CACNA1A: variants seen among roughly 807,000 people sequenced by gnomAD.
CACNA1A encodes the protein calcium voltage-gated channel subunit alpha1 A.
Under a neutral mutation model 262.4 loss-of-function variants are expected in CACNA1A, and 57 were observed. The ratio of observed to expected loss-of-function variants is 0.22; its 90% CI spans 0.18 to 0.27. CACNA1A has a LOEUF of 0.27. Ranked by LOEUF, CACNA1A falls within the 10% of genes least tolerant of loss-of-function variation. CACNA1A has a pLI of 1.00. For synonymous variants in CACNA1A, 1,431 were observed against 1,419.3 expected (o/e 1.01, Z -0.18); for missense variants, 2,526 against 3,562.8 (o/e 0.71, Z 7.41).
At chr19:13,437,879 C>G (rs914180388) in intron 3 of CACNA1A, among the ~76,000 whole-genome samples, 5 of 151,904 alleles carry the variant, frequency 3.3e-5, no homozygotes, top group African/African-American at 1.2e-4. Flanking sequence ...AAACAAAATC[C>G]AAAGCCCCAG....
At chr19:13,362,643 C>T (rs919487919) in intron 5 of CACNA1A, 1 of 152,250 alleles carries the variant, frequency 6.6e-6, no homozygotes, top group African/African-American at 2.4e-5. Flanking sequence ...GCACCTGGCC[C>T]CTTTCAGGCA....
At chr19:13,437,502 C>A (rs925524547) in intron 3 of CACNA1A, among the ~76,000 whole-genome samples, 12 of 151,908 alleles carry the variant, frequency 7.9e-5, no homozygotes, top group African/African-American at 2.2e-4. Flanking sequence ...ACCAGCCTGG[C>A]CAACATGGCG....
intron 1 of CACNA1A, among the ~76,000 whole-genome samples, chr19:13,460,253 C>T (rs1292334268): frequency 1.3e-5 from 2 of 152,094 alleles, no homozygotes; most frequent in East Asian, 1.9e-4. Context: ...TTGTGTGCAC[C>T]GGGAAGTTTA....
chr19:13,222,321 C>T (rs780880064), intron 38 of CACNA1A, among the ~76,000 whole-genome samples: 22 of 151,668 alleles, frequency 1.5e-4, no homozygotes, highest in African/African-American at 4.1e-4. Context: ...AGATTACAGG[C>T]GTGAACCACT....
intron 18 of CACNA1A, among the ~76,000 whole-genome samples, chr19:13,300,042 T>G (rs1229964841): frequency 6.6e-6 from 1 of 152,160 alleles, no homozygotes; most frequent in Non-Finnish European, 1.5e-5. Context: ...CGGTAATGCT[T>G]GCTTGCTCAC....
chr19:13,338,546 G>C (rs780889653), intron 6 of CACNA1A, among the ~76,000 whole-genome samples: 2 of 117,610 alleles, frequency 1.7e-5, no homozygotes, highest in Admixed American at 1.0e-4. Flanking sequence ...CAATAGGAGA[G>C]AGAGGATACA....
rs1280003070 is a variant in CACNA1A at position 13,209,280 on chromosome 19, T to C, written c.6526+32A>G. The C allele has an allele frequency of 5.6e-6, 8 of 1,436,186 alleles. No homozygotes were observed. In the Middle Eastern group the frequency reaches 7.8e-4, roughly 141 times the overall value. The allele number at this position is 1,436,186 out of a possible 1,614,324, so 89.0% of individuals were successfully genotyped here. A position where few individuals can be genotyped will look rare whatever the true frequency, so the allele number is the denominator to read the frequency against. ...TCCTCCCCTCTCCTCTCCTCTGTTC[T>C]GCTTGTCCCTGAGCACCACAGGGCT... On this transcript the variant is annotated intron_variant, in intron 45 of 46. Transcript: ENST00000360228.
At chr19:13,316,778 T>C (rs2058135717) in intron 11 of CACNA1A, 1 of 216,348 alleles carries the variant, frequency 4.6e-6, no homozygotes, top group Non-Finnish European at 9.1e-6. Context: ...TGTTTCTGTT[T>C]CTATCTGTCT....
rs113171441 is a variant in CACNA1A at position 13,405,819 on chromosome 19, T to C, written c.540-34040A>G. Among the ~76,000 whole-genome samples, 288 of 152,256 alleles carry C rather than the reference T, an allele frequency of 1.9e-3. 2 individuals are homozygous for C. The highest frequency in any genetic ancestry group is 6.8e-3 in the African/African-American group (282 of 41,562). ...GTTCTGTATATTTCACAGTATTTGC[T>C]GGGGTTGGCTACTGTTGACGCCATT... On this transcript the variant is annotated intron_variant, in intron 3 of 46. Coordinates refer to ENST00000360228, the MANE Select transcript of CACNA1A (RefSeq NM_001127222.2).
In CACNA1A at chr19:13,241,371, A is replaced by G; in HGVS notation, c.4950+3811T>C. ...GGGAGGCACAGGGGCTGGGGGCGGG[A>G]GGACAGACAGACAGAGGAGAGCGGA... On this transcript the variant is annotated intron_variant, in intron 31 of 46. Coordinates refer to ENST00000360228, the MANE Select transcript of CACNA1A (RefSeq NM_001127222.2). This position sits in a 1 kb window ranked among gnomAD's most constrained non-coding sequence, Gnocchi z 4.0. 1.4e-6 allele frequency: 1 copy of G among 696,252 alleles called. No homozygotes were observed. The highest frequency in any genetic ancestry group is 2.6e-6 in the Non-Finnish European group (1 of 381,524). 43.1% of individuals were successfully genotyped at this position (696,252 alleles called of 1,614,324 possible).
At chr19:13,255,341 C>T (rs892791611) in intron 28 of CACNA1A, 82 bp from the exon 29 acceptor site, 32 of 1,342,640 alleles carry the variant, frequency 2.4e-5, no homozygotes, top group Middle Eastern at 2.7e-4. Flanking sequence ...TCTAACTCGT[C>T]GCGGTTCTCA....
At chr19:13,414,321 C>G (rs1330978425) in intron 3 of CACNA1A, among the ~76,000 whole-genome samples, 1 of 152,120 alleles carries the variant, frequency 6.6e-6, no homozygotes, top group East Asian at 1.9e-4. Flanking sequence ...TTGCTTGAGC[C>G]CAAGAAGTCG....
At position 13,227,381 on chromosome 19, in the gene CACNA1A, GAA is replaced by G; in HGVS notation, c.5625+48_5625+49del. 3 of 573,678 alleles carry G rather than the reference GAA, an allele frequency of 5.2e-6. No homozygotes were observed. In the Admixed American group the frequency reaches 1.1e-4, roughly 20 times the overall value. 35.5% of individuals were successfully genotyped at this position (573,678 alleles called of 1,614,324 possible). ...CACTAAAAAAAAAGAAGAAGAAGAA[GAA>G]AAAAAAACCCAGTGCCTGGACGTCG... On this transcript the variant is annotated intron_variant, in intron 37 of 46. Transcript: ENST00000360228.
At chr19:13,351,636 C>A (rs943548459) in intron 6 of CACNA1A, among the ~76,000 whole-genome samples, 4 of 152,144 alleles carry the variant, frequency 2.6e-5, no homozygotes, top group African/African-American at 9.7e-5. Flanking sequence ...CAGCCTCCTG[C>A]GTAGCTGGGA....
intron 3 of CACNA1A, among the ~76,000 whole-genome samples, chr19:13,436,458 G>C (rs1472672759): frequency 6.6e-6 from 1 of 152,132 alleles, no homozygotes; most frequent in Non-Finnish European, 1.5e-5. Context: ...GTCTGGGCAA[G>C]CCTAACAAAA....
At chr19:13,261,250 TC>T (rs2144766092) in intron 26 of CACNA1A, 199 bp downstream of exon 26, 1 of 534,224 alleles carries the variant, frequency 1.9e-6, no homozygotes, top group South Asian at 2.9e-5. Context: ...TGCTTATGAC[TC>T]ATTCTGTGGC....
chr19:13,347,683 C>G (rs145493086), intron 6 of CACNA1A, among the ~76,000 whole-genome samples: 1 of 152,216 alleles, frequency 6.6e-6, no homozygotes, highest in African/African-American at 2.4e-5. Flanking sequence ...TTTATCCCAA[C>G]TGATCACTGG....
intron 1 of CACNA1A, among the ~76,000 whole-genome samples, chr19:13,466,262 T>C (rs773120391): frequency 8.6e-5 from 13 of 151,866 alleles, no homozygotes; most frequent in Non-Finnish European, 1.6e-4. Flanking sequence ...ATCATGGGCC[T>C]TTACTCATTG....
At chr19:13,371,589 G>A in intron 4 of CACNA1A, 99 bp downstream of exon 4, 6 of 809,974 alleles carry the variant, frequency 7.4e-6, no homozygotes, top group Non-Finnish European at 1.2e-5. Context: ...ACACAGGCTG[G>A]TGGCAGGATG....
Sources: allele counts gnomAD v4.1 joint callset (sites outside exome capture counted in the v4.1 genomes callset), GRCh38; gene constraint gnomAD v4.1.1; non-coding constraint Gnocchi (gnomAD v3.1); transcripts MANE v1.5; gene names NCBI Gene and HGNC (gene_info 2026-07-23, HGNC 2026-07-21).